RIMBP2: variants seen among roughly 807,000 people sequenced by gnomAD.
RIMBP2 encodes RIMS binding protein 2.
RIMBP2 carries 48 observed loss-of-function variants against 118.6 expected under a neutral mutation model. That is an observed-to-expected ratio of 0.40 (90% CI 0.32 to 0.51). RIMBP2 has a LOEUF of 0.51. Among genes scored for constraint, RIMBP2 ranks in the 20% least tolerant of loss-of-function variants. The probability of loss-of-function intolerance (pLI) is 0.41; values close to 1 mark genes in which losing one functional copy is unlikely to be tolerated. For synonymous variants in RIMBP2, 762 were observed against 742.9 expected, an observed-to-expected ratio of 1.03 and a Z score of -0.42; for missense variants, 1,551 against 1,768.3, an observed-to-expected ratio of 0.88 and a Z score of 2.20.
At chr12:130,708,577 CAA>C (rs879652357) in intron 1 of RIMBP2, among the ~76,000 whole-genome samples, 5 of 152,082 alleles carry the variant, frequency 3.3e-5, no homozygotes, top group Non-Finnish European at 4.4e-5. Context: ...GTCCCAGATA[CAA>C]AGGATGCTGA....
intron 1 of RIMBP2, among the ~76,000 whole-genome samples, chr12:130,701,688 G>A (rs1015092302): frequency 1.3e-5 from 2 of 152,028 alleles, no homozygotes; most frequent in Non-Finnish European, 2.9e-5. Context: ...GACACAAATC[G>A]CTCCTGCTTG....
chr12:130,564,897 GAA>G (rs1286198483), intron 2 of RIMBP2, among the ~76,000 whole-genome samples: 2 of 152,200 alleles, frequency 1.3e-5, no homozygotes, highest in African/African-American at 4.8e-5. Flanking sequence ...CACACACACA[GAA>G]CAACAAGGAA....
intron 4 of RIMBP2, among the ~76,000 whole-genome samples, chr12:130,487,250 G>A (rs1325400401): frequency 6.6e-6 from 1 of 152,198 alleles, no homozygotes; most frequent in Non-Finnish European, 1.5e-5. Context: ...TTTAGGATGT[G>A]TTCCCTCCAA....
intron 1 of RIMBP2, among the ~76,000 whole-genome samples, chr12:130,664,714 A>G (rs2063844149): frequency 6.6e-6 from 1 of 151,840 alleles, no homozygotes; most frequent in Non-Finnish European, 1.5e-5. Flanking sequence ...CAGAAATGAC[A>G]GCCACGTGTC....
chr12:130,486,670 C>CCT (rs2082510612), intron 4 of RIMBP2, among the ~76,000 whole-genome samples: 1 of 151,702 alleles, frequency 6.6e-6, no homozygotes, highest in Non-Finnish European at 1.5e-5. Flanking sequence ...TTCTTGACTT[C>CCT]CTGCCCCCTT....
intron 1 of RIMBP2, among the ~76,000 whole-genome samples, chr12:130,652,356 T>G (rs1476586095): frequency 1.3e-5 from 2 of 152,244 alleles, no homozygotes; most frequent in Non-Finnish European, 2.9e-5. Flanking sequence ...CCTGCAAAGC[T>G]GAACATGTTT....
At chr12:130,605,728 T>C (rs1161160573) in intron 2 of RIMBP2, among the ~76,000 whole-genome samples, 1 of 152,188 alleles carries the variant, frequency 6.6e-6, no homozygotes, top group African/African-American at 2.4e-5. Flanking sequence ...CATTGTGCTA[T>C]TCTTGCCATT....
chr12:130,494,656 GA>G (rs1168063678), intron 4 of RIMBP2, among the ~76,000 whole-genome samples: 36 of 121,646 alleles, frequency 3.0e-4, no homozygotes, highest in Non-Finnish European at 4.5e-4. Flanking sequence ...AAAAAAGAAA[GA>G]AAAGAAAAGA....
intron 2 of RIMBP2, among the ~76,000 whole-genome samples, chr12:130,558,402 C>A (rs1446823161): frequency 6.6e-6 from 1 of 152,102 alleles, no homozygotes; most frequent in East Asian, 1.9e-4. Flanking sequence ...ACACAGCTGC[C>A]GGGGTGGGGC....
Position 130,450,792 on chromosome 12 carries a change from C to T in RIMBP2, c.504+403G>A, listed in dbSNP as rs562963474. Among the ~76,000 whole-genome samples, 6 of 152,228 alleles carry T rather than the reference C, an allele frequency of 3.9e-5. No homozygotes were observed. In the South Asian group the frequency reaches 1.2e-3, roughly 32 times the overall value. On this transcript the variant is annotated intron_variant, in intron 8 of 22. Coordinates refer to ENST00000690449, the MANE Select transcript of RIMBP2 (RefSeq NM_001393629.1). This position sits in a 1 kb window ranked among gnomAD's most constrained non-coding sequence, Gnocchi z 4.8. The stretch of plus-strand genomic sequence containing the variant: ...AAAAGCCAAACGCTGTCCTCTGCCC[C>T]CGCCCCCTCTCCAGCCACACCAGCC...
intron 4 of RIMBP2, among the ~76,000 whole-genome samples, chr12:130,492,821 A>C (rs1413710898): frequency 6.6e-6 from 1 of 152,342 alleles, no homozygotes; most frequent in South Asian, 2.1e-4. Flanking sequence ...ATGAGATTAA[A>C]TGTTAGATTC....
chr12:130,438,342 C>CCA, intron 12 of RIMBP2, 23 bp downstream of exon 12: 2 of 1,410,116 alleles, frequency 1.4e-6, no homozygotes, highest in Non-Finnish European at 2.0e-6. Flanking sequence ...CAAACCCTCC[C>CCA]CACCCACCCA....
intron 1 of RIMBP2, among the ~76,000 whole-genome samples, chr12:130,635,540 C>A (rs753820253): frequency 5.3e-5 from 8 of 152,178 alleles, no homozygotes; most frequent in Non-Finnish European, 1.2e-4. Flanking sequence ...TCATCCCCAC[C>A]TGGGACCCAA....
At chr12:130,628,269 C>A (rs2061768928) in intron 2 of RIMBP2, 53 bp downstream of exon 2, 1 of 152,182 alleles carries the variant, frequency 6.6e-6, no homozygotes, top group Non-Finnish European at 1.5e-5. Context: ...ACAGACACAG[C>A]CCCTAACTGA....
chr12:130,478,397 G>T (rs1026149068), intron 5 of RIMBP2, among the ~76,000 whole-genome samples: 1 of 152,188 alleles, frequency 6.6e-6, no homozygotes, highest in African/African-American at 2.4e-5. Flanking sequence ...GCCTGGTGTG[G>T]ATGGACCATG....
At chr12:130,626,984 T>C (rs1323019130) in intron 2 of RIMBP2, among the ~76,000 whole-genome samples, 1 of 146,208 alleles carries the variant, frequency 6.8e-6, no homozygotes, top group African/African-American at 2.6e-5. Flanking sequence ...ACCATCATCT[T>C]CTCCATCACC....
At chr12:130,549,355 A>G (rs997997752) in intron 2 of RIMBP2, among the ~76,000 whole-genome samples, 1 of 152,242 alleles carries the variant, frequency 6.6e-6, no homozygotes, top group Non-Finnish European at 1.5e-5. Flanking sequence ...GAGATAAAAC[A>G]GTCCAGTGTT....
At chr12:130,404,272 T>G (rs1346033837) in intron 21 of RIMBP2, among the ~76,000 whole-genome samples, 1 of 152,174 alleles carries the variant, frequency 6.6e-6, no homozygotes, top group Non-Finnish European at 1.5e-5. Context: ...GGAAAAATCA[T>G]TCACAATCAT....
chr12:130,453,372 C>A, intron 7 of RIMBP2, among the ~76,000 whole-genome samples: 1 of 152,400 alleles, frequency 6.6e-6, no homozygotes, highest in South Asian at 2.1e-4. Flanking sequence ...CCACCCGGGA[C>A]CCCTTCTCTG....
Sources: gnomAD v4.1 joint callset for allele counts (sites outside exome capture counted in the v4.1 genomes callset) on GRCh38, gnomAD v4.1.1 for gene constraint, Gnocchi (gnomAD v3.1) non-coding constraint, MANE v1.5 for transcripts, NCBI Gene and HGNC (gene_info 2026-07-23, HGNC 2026-07-21) for gene names.